The following NRXN3 variants were observed in gnomAD, a reference collection of about 807,000 sequenced individuals.
NRXN3 encodes the protein neurexin 3.
NRXN3 carries 32 observed loss-of-function variants against 137.6 expected under a neutral mutation model. That is an observed-to-expected ratio of 0.23 (90% confidence interval 0.18 to 0.31). The LOEUF (loss-of-function observed/expected upper bound fraction) is 0.31. NRXN3 is among the 10% of genes least tolerant of loss of function. NRXN3 has a pLI of 1.00. For missense variants in NRXN3, 1,574 were observed against 2,062.5 expected, an observed-to-expected ratio of 0.76 and a Z score of 4.59; for synonymous variants, 798 against 784.5, an observed-to-expected ratio of 1.02 and a Z score of -0.29.
At chr14:79,753,236 C>T (rs1415666808) in intron 19 of NRXN3, among the ~76,000 whole-genome samples, 2 of 151,810 alleles carry the variant, frequency 1.3e-5, no homozygotes, top group East Asian at 1.9e-4. Context: ...ACCCAAAGGA[C>T]TATAAATCAT....
chr14:79,652,918 C>G (rs1335831688), intron 16 of NRXN3, among the ~76,000 whole-genome samples: 1 of 151,618 alleles, frequency 6.6e-6, no homozygotes, highest in African/African-American at 2.4e-5. Flanking sequence ...AAGTAAGGAC[C>G]CACCTTTTGA....
rs542671389 is a variant in NRXN3 at position 79,550,802 on chromosome 14, C to T, written c.3444+83400C>T. Among the ~76,000 whole-genome samples the T allele has an allele frequency of 6.6e-5, 10 of 152,258 alleles. 1 individual carries two copies. The South Asian group carries it at 2.1e-3, about 32-fold the overall frequency. ...TGCTGAACTTCTTTGTCCACAGTTT[C>T]CTCAACACTAAAACAAGGAGTAATC... On this transcript the variant is annotated intron_variant, in intron 16 of 20. Transcript: ENST00000335750.
intron 15 of NRXN3, among the ~76,000 whole-genome samples, chr14:79,430,391 T>G (rs1460433132): frequency 2.6e-5 from 4 of 152,166 alleles, no homozygotes; most frequent in Non-Finnish European, 5.9e-5. Context: ...CCTTAGAGAT[T>G]CATTTGACTG....
At chr14:79,189,200 T>C (rs1288256839) in intron 15 of NRXN3, among the ~76,000 whole-genome samples, 1 of 151,800 alleles carries the variant, frequency 6.6e-6, no homozygotes, top group African/African-American at 2.4e-5. Context: ...TGGAATACTA[T>C]GCAGCCATAA....
intron 10 of NRXN3, among the ~76,000 whole-genome samples, chr14:78,901,244 ATCT>A (rs1306979596): frequency 6.6e-6 from 1 of 151,534 alleles, no homozygotes. Flanking sequence ...CCATGTGTCC[ATCT>A]CTATGGATCC....
At chr14:79,705,651 C>G (rs1378041778) in intron 19 of NRXN3, among the ~76,000 whole-genome samples, 2 of 152,082 alleles carry the variant, frequency 1.3e-5, no homozygotes, top group African/African-American at 4.8e-5. Context: ...TTTCACCTGC[C>G]ATTTCCTCTG....
At chr14:78,448,750 C>T (rs1003100498) in intron 4 of NRXN3, among the ~76,000 whole-genome samples, 3 of 152,196 alleles carry the variant, frequency 2.0e-5, no homozygotes, top group Admixed American at 1.3e-4. Context: ...AGCTCTCCTC[C>T]GCATTTTGTG....
intron 2 of NRXN3, among the ~76,000 whole-genome samples, chr14:78,277,697 TG>T (rs1237498889): frequency 6.6e-6 from 1 of 152,184 alleles, no homozygotes; most frequent in African/African-American, 2.4e-5. Flanking sequence ...CCTCTCAGGT[TG>T]GGTCTAGGGG....
intron 6 of NRXN3, among the ~76,000 whole-genome samples, chr14:78,652,602 A>G (rs1601913980): frequency 6.6e-6 from 1 of 152,152 alleles, no homozygotes. Flanking sequence ...CTCTTGGGGC[A>G]TATGTTTTAT....
At chr14:79,455,927 G>A (rs1049420954) in intron 15 of NRXN3, among the ~76,000 whole-genome samples, 1 of 151,892 alleles carries the variant, frequency 6.6e-6, no homozygotes, top group African/African-American at 2.4e-5. Context: ...GCATTAAGGT[G>A]AAAGTTCAGT....
chr14:78,188,319 G>T (rs908487836), intron 1 of NRXN3, among the ~76,000 whole-genome samples: 2 of 152,176 alleles, frequency 1.3e-5, no homozygotes, highest in Non-Finnish European at 2.9e-5. Context: ...TGAGATCAAG[G>T]TCATGGGATC....
At chr14:79,844,285 C>T (rs577102382) in intron 20 of NRXN3, among the ~76,000 whole-genome samples, 35 of 151,234 alleles carry the variant, frequency 2.3e-4, no homozygotes, top group African/African-American at 7.3e-4. Context: ...CTTCCTCCCA[C>T]CTCCTGCTAA....
chr14:79,358,046 T>C (rs1274135309), intron 15 of NRXN3, among the ~76,000 whole-genome samples: 2 of 152,198 alleles, frequency 1.3e-5, no homozygotes, highest in Non-Finnish European at 2.9e-5. Flanking sequence ...AGGTCTCAGA[T>C]ACACAGGAGA....
chr14:79,749,457 G>A lies in NRXN3; in HGVS notation c.4014+51520G>A, dbSNP rs2098990389. 4.0e-5 allele frequency among the ~76,000 whole-genome samples: 6 copies of A among 150,890 alleles called. No homozygotes were observed. The South Asian group carries it at 1.3e-3, about 32-fold the overall frequency. On this transcript the variant is annotated intron_variant, in intron 19 of 20. Coordinates refer to ENST00000335750, the MANE Select transcript of NRXN3 (RefSeq NM_001330195.2). ...TGTTGTTTTTTTTTTTGTAGTGACAGGGTATTACTATGTTGCCCAGGCTTG... is the reference window on the plus strand; with the variant it reads ...TGTTGTTTTTTTTTTTGTAGTGACAAGGTATTACTATGTTGCCCAGGCTTG...
intron 15 of NRXN3, among the ~76,000 whole-genome samples, chr14:79,070,407 T>C (rs1363267340): frequency 6.6e-6 from 1 of 152,202 alleles, no homozygotes; most frequent in Non-Finnish European, 1.5e-5. Context: ...GGCCACTCTT[T>C]GTCAGCTGTG....
rs145960400 is a variant in NRXN3, at chr14:79,150,451, G to A, written c.3262+162310G>A. ...ACTTGGCAGAAATAGGGTGAGAGAT[G>A]TGACTAACACCCTCAGCTAATTTCT... On this transcript the variant is annotated intron_variant, in intron 15 of 20. Coordinates refer to ENST00000335750, the MANE Select transcript of NRXN3 (RefSeq NM_001330195.2). Among the ~76,000 whole-genome samples, 982 of 152,054 alleles carry A rather than the reference G, an allele frequency of 6.5e-3. 29 individuals are homozygous for A. Among genetic ancestry groups the A allele is most frequent in the Admixed American group, 0.061 (932 of 15,244 alleles).
At chr14:79,100,521 A>G (rs2051081981) in intron 15 of NRXN3, among the ~76,000 whole-genome samples, 2 of 152,216 alleles carry the variant, frequency 1.3e-5, no homozygotes, top group African/African-American at 4.8e-5. Context: ...ACGTGTCTAG[A>G]TATTAGATCC....
chr14:78,717,806 A>G (rs1031573742), intron 8 of NRXN3, among the ~76,000 whole-genome samples: 1 of 152,226 alleles, frequency 6.6e-6, no homozygotes, highest in Non-Finnish European at 1.5e-5. Context: ...CAAGGGGTGT[A>G]TAGTCCTCCC....
At chr14:79,182,528 T>G (rs548362247) in intron 15 of NRXN3, among the ~76,000 whole-genome samples, 1 of 152,142 alleles carries the variant, frequency 6.6e-6, no homozygotes, top group Non-Finnish European at 1.5e-5. Context: ...GAGAATCTAA[T>G]GCTGCCACTG....
Sources: gnomAD v4.1 joint callset for allele counts (sites outside exome capture counted in the v4.1 genomes callset) on GRCh38, gnomAD v4.1.1 for gene constraint, MANE v1.5 for transcripts, NCBI Gene and HGNC (gene_info 2026-07-23, HGNC 2026-07-21) for gene names.